CFAP44: variants seen among roughly 807,000 people sequenced by gnomAD.
The protein encoded by CFAP44 is cilia- and flagella-associated protein 44.
Under a neutral mutation model 216.2 loss-of-function variants are expected in CFAP44, and 134 were observed. That is an observed-to-expected ratio of 0.62 (90% CI 0.54 to 0.72). The LOEUF is 0.72. CFAP44 is among the 30% of genes least tolerant of loss of function. The pLI is 0.00. For synonymous variants in CFAP44, 700 were observed against 727.6 expected, an observed-to-expected ratio of 0.96 and a Z score of 0.61; for missense variants, 2,035 against 2,182.1, an observed-to-expected ratio of 0.93 and a Z score of 1.34.
intron 22 of CFAP44, among the ~76,000 whole-genome samples, chr3:113,348,387 G>A (rs1451880698): frequency 6.6e-6 from 1 of 152,028 alleles, no homozygotes; most frequent in Admixed American, 6.5e-5. Flanking sequence ...TCTCTCTGAT[G>A]GGGAAAAATG....
chr3:113,383,716 G>C (rs1933572823), intron 15 of CFAP44, among the ~76,000 whole-genome samples: 1 of 152,078 alleles, frequency 6.6e-6, no homozygotes, highest in Admixed American at 6.6e-5. Flanking sequence ...AAAGACAAAG[G>C]GTGAACTCAG....
At chr3:113,438,590 A>C (rs745953249) in intron 1 of CFAP44, among the ~76,000 whole-genome samples, 14 of 152,242 alleles carry the variant, frequency 9.2e-5, no homozygotes, top group Non-Finnish European at 1.0e-4. Flanking sequence ...TGAATAGATG[A>C]AAGAACAAGA....
chr3:113,326,305 C>T, intron 28 of CFAP44, 140 bp downstream of exon 28: 1 of 709,226 alleles, frequency 1.4e-6, no homozygotes, highest in Non-Finnish European at 2.1e-6. Flanking sequence ...TTTATGTCTT[C>T]TCCTCTTTAG....
rs139101047 is a variant in CFAP44 at position 113,426,170 on chromosome 3, A to G, written c.361T>C (p.Phe121Leu). Residue 121 changes from phenylalanine to leucine, a missense_variant, in exon 4 of 35, where the codon TTT (phenylalanine) becomes CTT (leucine). Transcript: ENST00000393845. ...GGTATGTTTGAATCCAGAGTCACAA[A>G]AGGCATCGAAGCAAGCTCCATATAA... ...YDYMELASMP[F>L]VTLDSNIPLD... is the part of the protein sequence containing the mutation. The G allele has an allele frequency of 5.6e-5, 91 of 1,614,126 alleles. 1 individual carries two copies. The East Asian group carries it at 2.0e-3, about 35-fold the overall frequency.
chr3:113,354,986 C>A (rs189824117), intron 22 of CFAP44, among the ~76,000 whole-genome samples: 6 of 152,212 alleles, frequency 3.9e-5, no homozygotes, highest in African/African-American at 1.4e-4. Context: ...GGCTTCAAGA[C>A]CTGAAGACGG....
chr3:113,420,045 C>T lies in CFAP44; in HGVS notation c.542G>A (p.Ser181Asn), dbSNP rs1338622200. 6.2e-7 allele frequency: 1 copy of T among 1,613,712 alleles called. No individual in the cohort carries two copies. Among genetic ancestry groups the T allele is most frequent in the Non-Finnish European group, 8.5e-7 (1 of 1,179,870 alleles). The change falls in exon 5 of 35, where the codon AGC becomes AAC. Residue 181 changes from serine (S) to asparagine (N), a missense_variant. Physicochemically the swap from Ser to Asn is conservative, Grantham distance 46. Coordinates refer to ENST00000393845, the MANE Select transcript of CFAP44 (RefSeq NM_001164496.2). ...AATGACGCCAATTCCTTCACCACTG[C>T]TACTTCGCAGGTAGATCTGTTCCTT... ...KTKEQIYLRSSSGEGIGVIGV... is the reference protein window; with the variant it reads ...KTKEQIYLRSNSGEGIGVIGV...
chr3:113,419,917 G>C (rs1934764499), intron 5 of CFAP44, 100 bp downstream of exon 5: 1 of 1,249,528 alleles, frequency 8.0e-7, no homozygotes, highest in Middle Eastern at 2.7e-4. Context: ...CCACAATACT[G>C]TGCATGGTGT....
chr3:113,416,463 C>A, intron 6 of CFAP44, 62 bp downstream of exon 6: 1 of 1,297,580 alleles, frequency 7.7e-7, no homozygotes. Flanking sequence ...AATAATGTCA[C>A]ACCTTCTTCA....
intron 1 of CFAP44, 82 bp from the exon 2 acceptor site, chr3:113,433,751 G>T: frequency 9.5e-7 from 1 of 1,047,528 alleles, no homozygotes; most frequent in Non-Finnish European, 1.5e-6. Context: ...TATTTCATTA[G>T]CACCAAACAC....
rs1012361901 is a variant in CFAP44, at chr3:113,308,205, T to C, written c.4580A>G (p.Glu1527Gly). Residue 1527 changes from glutamate (E) to glycine (G), a missense_variant, in exon 29 of 35, where the codon GAG becomes GGG. Glu to Gly is a moderately conservative substitution (Grantham distance 98). Coordinates refer to ENST00000393845, the MANE Select transcript of CFAP44 (RefSeq NM_001164496.2). ...AAAAACCTCATCTTCTGATTCAGAC[T>C]CATCTTCATCACTCTCCAAGCTAGA... Reference protein sequence around the residue: ...EESSLESDEDESESEDEVFDD... With the variant: ...EESSLESDEDGSESEDEVFDD... 6.5e-7 allele frequency: 1 copy of C among 1,536,348 alleles called. No individual in the cohort carries two copies. Among genetic ancestry groups the C allele is most frequent in the African/African-American group, 1.4e-5 (1 of 72,990 alleles).
chr3:113,424,775 G>A (rs1278873177), intron 4 of CFAP44, among the ~76,000 whole-genome samples: 1 of 152,134 alleles, frequency 6.6e-6, no homozygotes, highest in East Asian at 1.9e-4. Context: ...CATCCAGCAC[G>A]AATAGAGATA....
chr3:113,310,912 G>T (rs980741790), intron 28 of CFAP44, among the ~76,000 whole-genome samples: 93 of 152,254 alleles, frequency 6.1e-4, no homozygotes, highest in African/African-American at 2.2e-3. Context: ...GCTCCCTAAG[G>T]CCTCCCCAGA....
At chr3:113,298,780 G>A (rs764619687) in intron 32 of CFAP44, among the ~76,000 whole-genome samples, 1 of 152,148 alleles carries the variant, frequency 6.6e-6, no homozygotes, top group Non-Finnish European at 1.5e-5. Context: ...GAAGTACTTC[G>A]AGTAGTCAAG....
chr3:113,323,900 T>G (rs1950166810), intron 28 of CFAP44, among the ~76,000 whole-genome samples: 4 of 151,934 alleles, frequency 2.6e-5, no homozygotes, highest in African/African-American at 9.7e-5. Context: ...AAAAATTAGC[T>G]GGGCATGGTG....
Position 113,294,711 on chromosome 3 carries a change from C to G in CFAP44, c.5349G>C (p.Arg1783=). The G allele has an allele frequency of 1.3e-6, 2 of 1,535,498 alleles. No homozygotes were observed. The highest frequency in any genetic ancestry group is 1.7e-6 in the Non-Finnish European group (2 of 1,146,348). The part of the protein sequence containing the change: ...LCIEKKKLDS[R]LNTLQNQQGN... The stretch of plus-strand genomic sequence containing the variant: ...CCTGCTGATTCTGTAGTGTATTCAA[C>G]CGAGAATCAAGTTTCTTCTTTTCAA... Residue 1783 remains arginine, a synonymous_variant, in exon 34 of 35, where the codon CGG becomes CGC. Transcript: ENST00000393845.
In CFAP44 at chr3:113,287,768, T is replaced by G. The variant is rs887974749; in HGVS notation, c.*3789A>C. ...CATATTGAAGAAATAGAACTAATCT[T>G]TTTTATATAGGTGTGTGTTGAAGAC... On this transcript the variant is annotated 3_prime_UTR_variant, in exon 35 of 35. Coordinates refer to ENST00000393845, the MANE Select transcript of CFAP44 (RefSeq NM_001164496.2). 6.6e-6 allele frequency: 1 copy of G among 152,236 alleles called. No individual in the cohort carries two copies. The highest frequency in any genetic ancestry group is 2.4e-5 in the African/African-American group (1 of 41,450). 9.4% of individuals were successfully genotyped at this position (152,236 alleles called of 1,614,324 possible). A position where few individuals can be genotyped will look rare whatever the true frequency, so the allele number is the denominator to read the frequency against.
At chr3:113,363,015 T>C in intron 21 of CFAP44, 130 bp downstream of exon 21, 1 of 1,385,452 alleles carries the variant, frequency 7.2e-7, no homozygotes, top group Non-Finnish European at 9.3e-7. Context: ...AATAAATGGC[T>C]ATTGAAATTT....
At chr3:113,412,266 T>A (rs1367950503) in intron 6 of CFAP44, among the ~76,000 whole-genome samples, 3 of 151,978 alleles carry the variant, frequency 2.0e-5, no homozygotes, top group African/African-American at 7.2e-5. Context: ...GAAAACCCCA[T>A]CGTCTCAGCT....
At position 113,439,721 on chromosome 3, in the gene CFAP44, G is replaced by A. The variant is rs140332097; in HGVS notation, c.-6+1732C>T. On this transcript the variant is annotated intron_variant, in intron 1 of 34. Coordinates refer to ENST00000393845, the MANE Select transcript of CFAP44 (RefSeq NM_001164496.2). Reference sequence around the variant, plus strand: ...AAATAATAGTACACATTGATGCAGAGGAGTGTGTTGCTAGAAGGTTGGCTA... The same window carrying A: ...AAATAATAGTACACATTGATGCAGAAGAGTGTGTTGCTAGAAGGTTGGCTA... Among the ~76,000 whole-genome samples the A allele has an allele frequency of 7.2e-5, 11 of 152,324 alleles. No individual in the cohort carries two copies. In the East Asian group the frequency reaches 2.1e-3, roughly 29 times the overall value.
Sources: allele counts gnomAD v4.1 joint callset (sites outside exome capture counted in the v4.1 genomes callset), GRCh38; gene constraint gnomAD v4.1.1; transcripts MANE v1.5; gene names NCBI Gene and HGNC (gene_info 2026-07-23, HGNC 2026-07-21).